Variants in PCDHA11 observed in about 807,000 individuals in gnomAD.
The protein encoded by PCDHA11 is protocadherin alpha 11.
In PCDHA11, 61 loss-of-function variants were observed where a neutral mutation model predicts 70.3. The ratio of observed to expected loss-of-function variants is 0.87; its 90% CI spans 0.71 to 1.07. The LOEUF is 1.07. Among genes scored for constraint, PCDHA11 ranks in the 50% least tolerant of loss-of-function variants. The pLI, the probability that PCDHA11 is intolerant of heterozygous loss-of-function variation, is 0.00. For synonymous variants in PCDHA11, 633 were observed against 555.1 expected, an observed-to-expected ratio of 1.14 and a Z score of -1.97; for missense variants, 1,324 against 1,237.5, an observed-to-expected ratio of 1.07 and a Z score of -1.05.
At chr5:140,968,288 C>A in intron 1 of PCDHA11, 1 of 1,613,976 alleles carries the variant, frequency 6.2e-7, no homozygotes, top group Non-Finnish European at 8.5e-7. Context: ...GACCTACTCC[C>A]TTCTGGAGAG....
chr5:140,869,935 A>T lies in PCDHA11; in HGVS notation c.832A>T (p.Thr278Ser). 2 of 1,612,050 alleles carry T rather than the reference A, an allele frequency of 1.2e-6. No homozygotes were observed. The highest frequency in any genetic ancestry group is 1.7e-5 in the Admixed American group (1 of 59,732). The change falls in exon 1 of 4, where the codon ACA becomes TCA. Residue 278 changes from threonine to serine, a missense_variant. Coordinates refer to ENST00000398640, the MANE Select transcript of PCDHA11 (RefSeq NM_018902.5). ...DRDEGVNGEVTYSLMSIKPNG... is the reference protein window; with the variant it reads ...DRDEGVNGEVSYSLMSIKPNG... Reference sequence around the variant, plus strand: ...AGACGAAGGAGTCAATGGAGAGGTAACATACTCCTTAATGTCAATTAAGCC... The same window carrying T: ...AGACGAAGGAGTCAATGGAGAGGTATCATACTCCTTAATGTCAATTAAGCC...
chr5:140,998,679 C>G (rs969303770), intron 3 of PCDHA11, among the ~76,000 whole-genome samples: 1 of 152,136 alleles, frequency 6.6e-6, no homozygotes, highest in Non-Finnish European at 1.5e-5. Flanking sequence ...ATTCTCCTGC[C>G]TCAGCCTCCC....
At chr5:140,926,752 C>G in intron 1 of PCDHA11, 2 of 1,254,462 alleles carry the variant, frequency 1.6e-6, no homozygotes, top group East Asian at 5.7e-5. Flanking sequence ...CGTCGGCGGT[C>G]GCTGAGTATC....
chr5:140,940,790 A>G (rs1337945408), intron 1 of PCDHA11, among the ~76,000 whole-genome samples: 3 of 152,176 alleles, frequency 2.0e-5, no homozygotes, highest in African/African-American at 7.2e-5. Context: ...TATCCTGAAA[A>G]TGATATTTGC....
At chr5:140,972,415 A>G (rs1048437043) in intron 1 of PCDHA11, among the ~76,000 whole-genome samples, 2 of 152,138 alleles carry the variant, frequency 1.3e-5, no homozygotes, top group East Asian at 3.9e-4. Flanking sequence ...AACCCTGTTA[A>G]GATCTTTTAT....
chr5:140,953,475 T>C (rs1178172011), intron 1 of PCDHA11, among the ~76,000 whole-genome samples: 3 of 152,140 alleles, frequency 2.0e-5, no homozygotes, highest in African/African-American at 7.2e-5. Context: ...AACTTCCTCA[T>C]GCTGTGTCAC....
chr5:140,892,793 A>G (rs1292583572), intron 1 of PCDHA11, among the ~76,000 whole-genome samples: 1 of 152,224 alleles, frequency 6.6e-6, no homozygotes, highest in Non-Finnish European at 1.5e-5. Context: ...TATGTAAGAA[A>G]TTATAGTTAA....
intron 1 of PCDHA11, 159 bp from the exon 2 acceptor site, chr5:140,978,790 T>C (rs2096823347): frequency 3.1e-6 from 3 of 975,976 alleles, no homozygotes; most frequent in Non-Finnish European, 3.7e-6. Flanking sequence ...TAAAGTGCTA[T>C]ATATGTAGAT....
At chr5:140,875,596 G>T (rs1554167787) in intron 1 of PCDHA11, 2 of 1,613,938 alleles carry the variant, frequency 1.2e-6, no homozygotes, top group East Asian at 2.2e-5. Context: ...GGCCAAACAC[G>T]GCACCTTCGT....
At position 140,870,837 on chromosome 5, in the gene PCDHA11, G is replaced by T. The variant is rs782610375; in HGVS notation, c.1734G>T (p.Lys578Asn). ...GCAGCGCGGGAGGCGCAGTTAACAA[G>T]CTAGTACCGCGGTCGGTGGGTGCGG... Reference protein sequence around the residue: ...QAGSAGGAVNKLVPRSVGAGH... With the variant: ...QAGSAGGAVNNLVPRSVGAGH... The change falls in exon 1 of 4, where the codon AAG becomes AAT. Residue 578 changes from lysine to asparagine, a missense_variant. Transcript: ENST00000398640. 5 of 1,613,820 alleles carry T rather than the reference G, an allele frequency of 3.1e-6. No individual in the cohort carries two copies. The South Asian group carries it at 4.4e-5, about 14-fold the overall frequency.
At chr5:140,875,995 A>AATGAGAATTTTG (rs1554168162) in intron 1 of PCDHA11, 7 of 1,613,958 alleles carry the variant, frequency 4.3e-6, no homozygotes, top group Non-Finnish European at 5.9e-6. Context: ...GTTAAGTCTA[A>AATGAGAATTTTG]ATGAGAATTT....
intron 1 of PCDHA11, among the ~76,000 whole-genome samples, chr5:140,958,944 T>G (rs199974895): frequency 1.0e-5 from 1 of 100,018 alleles, no homozygotes; most frequent in African/African-American, 4.8e-5. Context: ...TGTAATAATA[T>G]TATATTATTA....
chr5:140,966,022 T>G (rs2095958244), intron 1 of PCDHA11, among the ~76,000 whole-genome samples: 1 of 151,842 alleles, frequency 6.6e-6, no homozygotes, highest in South Asian at 2.1e-4. Flanking sequence ...GATGTGGGAG[T>G]CAGGTGAATA....
chr5:140,953,522 G>A (rs246031), intron 1 of PCDHA11, among the ~76,000 whole-genome samples: 85,599 of 151,862 alleles, frequency 0.56, 24,738 homozygotes, highest in African/African-American at 0.69. Flanking sequence ...CAACAAAAAC[G>A]GGAAACTCAC....
At chr5:140,876,883 G>A in intron 1 of PCDHA11, 2 of 1,614,132 alleles carry the variant, frequency 1.2e-6, no homozygotes, top group Non-Finnish European at 1.7e-6. Context: ...CAACCCGCCG[G>A]GCTGCCACAT....
At chr5:140,992,897 T>G (rs2097532683) in intron 3 of PCDHA11, among the ~76,000 whole-genome samples, 2 of 152,156 alleles carry the variant, frequency 1.3e-5, no homozygotes, top group Admixed American at 1.3e-4. Flanking sequence ...GCTGGATATC[T>G]CCAAAGCTTA....
intron 1 of PCDHA11, among the ~76,000 whole-genome samples, chr5:140,958,318 CA>C (rs2095417948): frequency 6.6e-6 from 1 of 151,816 alleles, no homozygotes; most frequent in Non-Finnish European, 1.5e-5. Flanking sequence ...AATTAGAGCT[CA>C]AAAAATAAAT....
chr5:140,882,577 C>T (rs370671644), intron 1 of PCDHA11: 45 of 1,614,120 alleles, frequency 2.8e-5, no homozygotes, highest in East Asian at 1.3e-4. Flanking sequence ...CGGAGTGCAG[C>T]ATCCACCTGG....
chr5:140,883,827 T>G, intron 1 of PCDHA11: 1 of 1,612,546 alleles, frequency 6.2e-7, no homozygotes, highest in South Asian at 1.1e-5. Context: ...GTGTACGCGC[T>G]GCAGCCGTTG....
Sources: allele counts gnomAD v4.1 joint callset (sites outside exome capture counted in the v4.1 genomes callset), GRCh38; gene constraint gnomAD v4.1.1; transcripts MANE v1.5; gene names NCBI Gene and HGNC (gene_info 2026-07-23, HGNC 2026-07-21).